CLVS1: variants seen among roughly 807,000 people sequenced by gnomAD.
CLVS1 encodes clavesin-1.
Under a neutral mutation model 33.1 loss-of-function variants are expected in CLVS1, and 10 were observed. The ratio of observed to expected loss-of-function variants is 0.30; its 90% CI spans 0.19 to 0.51. CLVS1 has a LOEUF of 0.51. Among genes scored for constraint, CLVS1 ranks in the 20% least tolerant of loss-of-function variants. CLVS1 has a pLI of 0.97. For missense variants in CLVS1, 343 were observed against 433.4 expected (o/e 0.79, Z 1.85); for synonymous variants, 163 against 166.1 (o/e 0.98, Z 0.14).
intron 4 of CLVS1, among the ~76,000 whole-genome samples, chr8:61,457,370 G>C (rs1484973393): frequency 1.3e-5 from 2 of 152,128 alleles, no homozygotes; most frequent in Non-Finnish European, 2.9e-5. Context: ...AGAAGTGTGG[G>C]AACTGACATC....
rs180862375 is a variant in CLVS1, at chr8:61,172,472, A to T, written c.-152+40612A>T. Among the ~76,000 whole-genome samples the T allele has an allele frequency of 8.1e-4, 123 of 152,318 alleles. 2 individuals carry two copies. The highest frequency in any genetic ancestry group is 2.1e-4 in the South Asian group (1 of 4,834). ...TTGCAAGGAGCAACAATTTTGCAAAATATGTAATGCACATGTATTATTTTA... is the reference window on the plus strand; with the variant it reads ...TTGCAAGGAGCAACAATTTTGCAAATTATGTAATGCACATGTATTATTTTA... On this transcript the variant is annotated intron_variant, in intron 2 of 2. Transcript: ENST00000522621.
chr8:61,117,766 C>T (rs1025969653), intron 1 of CLVS1, among the ~76,000 whole-genome samples: 22 of 152,296 alleles, frequency 1.4e-4, no homozygotes, highest in South Asian at 6.2e-4. Context: ...CTGCTGGATT[C>T]GGAGTGCCAG....
chr8:61,448,257 A>C (rs1773634144), intron 3 of CLVS1, among the ~76,000 whole-genome samples: 1 of 152,052 alleles, frequency 6.6e-6, no homozygotes, highest in South Asian at 2.1e-4. Context: ...GTATTCACTC[A>C]GCTTCTTGAA....
chr8:61,242,913 G>C (rs1262906068), intron 2 of CLVS1, among the ~76,000 whole-genome samples: 1 of 150,124 alleles, frequency 6.7e-6, no homozygotes, highest in Non-Finnish European at 1.5e-5. Context: ...GTAATAATGG[G>C]TGCATTAAAA....
chr8:61,259,548 A>T (rs1194350914), intron 2 of CLVS1, among the ~76,000 whole-genome samples: 1 of 152,222 alleles, frequency 6.6e-6, no homozygotes, highest in Non-Finnish European at 1.5e-5. Flanking sequence ...TAACTATGGC[A>T]GTAACTGCAG....
chr8:61,320,688 C>T (rs375744378), intron 2 of CLVS1, among the ~76,000 whole-genome samples: 39 of 152,308 alleles, frequency 2.6e-4, no homozygotes, highest in African/African-American at 9.4e-4. Context: ...TGTGTCCTCA[C>T]ATGGTAGTAG....
chr8:61,365,223 C>A (rs1196112321), intron 2 of CLVS1, among the ~76,000 whole-genome samples: 1 of 152,028 alleles, frequency 6.6e-6, no homozygotes, highest in Non-Finnish European at 1.5e-5. Flanking sequence ...TTCCATGAAC[C>A]CAATGCAAGA....
chr8:61,328,898 TC>T (rs1166292815), intron 2 of CLVS1, among the ~76,000 whole-genome samples: 2 of 152,180 alleles, frequency 1.3e-5, no homozygotes, highest in African/African-American at 2.4e-5. Context: ...ATAAATTAAG[TC>T]AATAAAATTA....
the CLVS1 span, among the ~76,000 whole-genome samples, chr8:61,047,752 T>G: frequency 2.6e-5 from 4 of 151,940 alleles, no homozygotes; most frequent in African/African-American, 9.7e-5. Context: ...TGAGAACACA[T>G]GGACACAGGA....
chr8:61,376,850 A>G, intron 3 of CLVS1, 71 bp downstream of exon 3: 1 of 1,375,288 alleles, frequency 7.3e-7, no homozygotes, highest in South Asian at 1.5e-5. Flanking sequence ...TCGCAACCAA[A>G]GTAATATTTA....
At chr8:61,264,287 T>C (rs1425902497) in intron 2 of CLVS1, among the ~76,000 whole-genome samples, 2 of 152,040 alleles carry the variant, frequency 1.3e-5, no homozygotes, top group African/African-American at 4.8e-5. Context: ...ATTGGAACTT[T>C]CTCTGAGTTT....
chr8:61,270,991 G>T (rs1809425266), intron 2 of CLVS1, among the ~76,000 whole-genome samples: 1 of 150,308 alleles, frequency 6.7e-6, no homozygotes, highest in African/African-American at 2.5e-5. Context: ...ATTTTTTGAA[G>T]GGTTTTTTGT....
intron 2 of CLVS1, among the ~76,000 whole-genome samples, chr8:61,320,272 A>G (rs1811149499): frequency 6.6e-6 from 1 of 152,018 alleles, no homozygotes; most frequent in Admixed American, 6.6e-5. Context: ...TTACTGTTTA[A>G]AGATTTTTTC....
intron 3 of CLVS1, among the ~76,000 whole-genome samples, chr8:61,397,588 A>G (rs1172536411): frequency 6.6e-6 from 1 of 152,150 alleles, no homozygotes; most frequent in Non-Finnish European, 1.5e-5. Context: ...CCAAGAAACC[A>G]TTGCCTACCC....
At chr8:61,331,788 A>C (rs1248175552) in intron 2 of CLVS1, among the ~76,000 whole-genome samples, 1 of 122,108 alleles carries the variant, frequency 8.2e-6, no homozygotes, top group Non-Finnish European at 1.8e-5. Context: ...CATTTCCTCC[A>C]GCTTCTTCTT....
At chr8:61,400,182 C>T (rs1177189319) in intron 3 of CLVS1, among the ~76,000 whole-genome samples, 1 of 152,128 alleles carries the variant, frequency 6.6e-6, no homozygotes, top group Non-Finnish European at 1.5e-5. Context: ...AATGTTTTTC[C>T]ATCTGTTTGA....
chr8:61,442,524 T>C (rs1256242870), intron 3 of CLVS1, among the ~76,000 whole-genome samples: 1 of 152,214 alleles, frequency 6.6e-6, no homozygotes, highest in African/African-American at 2.4e-5. Context: ...CATATTATCT[T>C]CCAGAGTTCC....
chr8:61,054,076 C>T (rs532162990), upstream of CLVS1, among the ~76,000 whole-genome samples: 18 of 152,326 alleles, frequency 1.2e-4, no homozygotes, highest in Admixed American at 5.9e-4. Flanking sequence ...ATTTCTCTGA[C>T]GCCAGCTGCT....
At chr8:61,457,292 T>G in intron 4 of CLVS1, among the ~76,000 whole-genome samples, 1 of 152,150 alleles carries the variant, frequency 6.6e-6, no homozygotes, top group East Asian at 1.9e-4. Context: ...CATGTGTGTA[T>G]ACCTGATGAT....
Sources: allele counts gnomAD v4.1 joint callset (sites outside exome capture counted in the v4.1 genomes callset), GRCh38; gene constraint gnomAD v4.1.1; transcripts MANE v1.5; gene names NCBI Gene and HGNC (gene_info 2026-07-23, HGNC 2026-07-21).